Variants in ACVR2A observed in about 807,000 individuals in gnomAD.
ACVR2A encodes activin A receptor type 2A, also known as activin receptor type-2A.
Under a neutral mutation model 61.4 loss-of-function variants are expected in ACVR2A, and 7 were observed. That is an observed-to-expected ratio of 0.11 (90% CI 0.06 to 0.21). The LOEUF (loss-of-function observed/expected upper bound fraction) is 0.21, where lower values mean the gene tolerates loss of function less well. Ranked by LOEUF, ACVR2A falls within the 10% of genes least tolerant of loss-of-function variation. The pLI, the probability that ACVR2A is intolerant of heterozygous loss-of-function variation, is 1.00. For missense variants in ACVR2A, 322 were observed against 621.7 expected (o/e 0.52, Z 5.13); for synonymous variants, 193 against 208.3 (o/e 0.93, Z 0.63).
chr2:147,893,111 C>T (rs1385128327), intron 1 of ACVR2A, among the ~76,000 whole-genome samples: 1 of 152,128 alleles, frequency 6.6e-6, no homozygotes, highest in Non-Finnish European at 1.5e-5. Flanking sequence ...AATCTCTGAG[C>T]TGATTTCTGT....
chr2:147,920,749 CCATG>C (rs1385490890), intron 8 of ACVR2A, among the ~76,000 whole-genome samples: 1 of 152,090 alleles, frequency 6.6e-6, no homozygotes, highest in Non-Finnish European at 1.5e-5. Flanking sequence ...GTCCATTTTC[CCATG>C]CAATAATAGT....
At chr2:147,882,643 A>G (rs1420189180) in intron 1 of ACVR2A, among the ~76,000 whole-genome samples, 2 of 152,234 alleles carry the variant, frequency 1.3e-5, no homozygotes, top group African/African-American at 4.8e-5. Context: ...CACATGCCAC[A>G]TGCACATTGT....
chr2:147,907,732 A>C (rs1573698781), intron 4 of ACVR2A, among the ~76,000 whole-genome samples: 1 of 152,182 alleles, frequency 6.6e-6, no homozygotes, highest in South Asian at 2.1e-4. Context: ...TCCATAAAAA[A>C]ACCAAAGCAG....
intron 10 of ACVR2A, 137 bp downstream of exon 10, chr2:147,926,298 T>G: frequency 8.8e-7 from 1 of 1,140,932 alleles, no homozygotes; most frequent in Non-Finnish European, 1.2e-6. Flanking sequence ...TCTAGAGTTC[T>G]AGAGGCAGAA....
At chr2:147,921,258 C>A (rs955790270) in intron 8 of ACVR2A, among the ~76,000 whole-genome samples, 1 of 152,086 alleles carries the variant, frequency 6.6e-6, no homozygotes, top group African/African-American at 2.4e-5. Context: ...TTGTATCGAG[C>A]TCCTGACCTC....
chr2:147,870,637 G>T (rs530436239), intron 1 of ACVR2A, among the ~76,000 whole-genome samples: 1 of 152,092 alleles, frequency 6.6e-6, no homozygotes, highest in South Asian at 2.1e-4. Context: ...GATAATTGTC[G>T]TGAGTCTTTT....
chr2:147,930,371 TTAAAG>T lies in ACVR2A; in HGVS notation c.*3098_*3102del, dbSNP rs1321232521. ...GGTTTTTTTGTTTTTTTTTTTTTTT[TTAAAG>T]AAAGAAGCTTCATCACAGATACTTT... On this transcript the variant is annotated 3_prime_UTR_variant, in exon 11 of 11. Coordinates refer to ENST00000241416, the MANE Select transcript of ACVR2A (RefSeq NM_001616.5). 6.6e-6 allele frequency: 1 copy of T among 151,020 alleles called. No homozygotes were observed. Among genetic ancestry groups the T allele is most frequent in the African/African-American group, 2.4e-5 (1 of 40,924 alleles). 9.4% of individuals were successfully genotyped at this position (151,020 alleles called of 1,614,324 possible).
chr2:147,859,745 CTCTTGATT>C (rs540583043), intron 1 of ACVR2A, among the ~76,000 whole-genome samples: 393 of 152,138 alleles, frequency 2.6e-3, no homozygotes, highest in Admixed American at 7.2e-3. Context: ...TAAAGGCAGT[CTCTTGATT>C]TCTTGCTACA....
chr2:147,901,221 T>C (rs1337537597), intron 4 of ACVR2A, among the ~76,000 whole-genome samples: 1 of 152,010 alleles, frequency 6.6e-6, no homozygotes, highest in Non-Finnish European at 1.5e-5. Context: ...TTTAAAAAAT[T>C]TGTTTTAGTA....
At chr2:147,902,885 C>T (rs559298207) in intron 4 of ACVR2A, 1 of 152,086 alleles carries the variant, frequency 6.6e-6, no homozygotes, top group East Asian at 1.9e-4. Flanking sequence ...ATTTTTGGAA[C>T]ATTCTTCCTC....
chr2:147,903,176 A>G (rs966058195), intron 4 of ACVR2A, among the ~76,000 whole-genome samples: 9 of 151,786 alleles, frequency 5.9e-5, no homozygotes, highest in African/African-American at 2.2e-4. Context: ...TATGGTTCCT[A>G]GTAACCAATA....
chr2:147,845,359 C>T, intron 1 of ACVR2A, 152 bp downstream of exon 1: 1 of 527,946 alleles, frequency 1.9e-6, no homozygotes, highest in Non-Finnish European at 3.2e-6. Flanking sequence ...CCCCCCCCCC[C>T]CGCCCCCAGG....
At chr2:147,886,150 T>G (rs1399492542) in intron 1 of ACVR2A, among the ~76,000 whole-genome samples, 1 of 152,010 alleles carries the variant, frequency 6.6e-6, no homozygotes, top group African/African-American at 2.4e-5. Flanking sequence ...TCTTGATACT[T>G]AAAAAAAACT....
At chr2:147,878,237 T>G (rs978657453) in intron 1 of ACVR2A, among the ~76,000 whole-genome samples, 4 of 152,128 alleles carry the variant, frequency 2.6e-5, no homozygotes, top group Non-Finnish European at 5.9e-5. Flanking sequence ...TTTTTAATTG[T>G]AAACGTGAAA....
chr2:147,920,366 T>C (rs1687350205), intron 8 of ACVR2A, 22 bp downstream of exon 8: 1 of 1,546,428 alleles, frequency 6.5e-7, no homozygotes. Flanking sequence ...GATTATAAAA[T>C]GTAAGAAAAA....
chr2:147,890,049 A>G (rs1023152961), intron 1 of ACVR2A, among the ~76,000 whole-genome samples: 25 of 152,264 alleles, frequency 1.6e-4, no homozygotes, highest in Non-Finnish European at 2.8e-4. Flanking sequence ...GGGGTTTGGT[A>G]CCTTGTCCAA....
chr2:147,859,481 A>G (rs1448991788), intron 1 of ACVR2A, among the ~76,000 whole-genome samples: 1 of 150,704 alleles, frequency 6.6e-6, no homozygotes, highest in Non-Finnish European at 1.5e-5. Flanking sequence ...GTAGAGGGTC[A>G]CCACAGACAA....
At chr2:147,871,284 G>A (rs758019743) in intron 1 of ACVR2A, among the ~76,000 whole-genome samples, 1 of 151,926 alleles carries the variant, frequency 6.6e-6, no homozygotes, top group Non-Finnish European at 1.5e-5. Flanking sequence ...TCAATGTTGA[G>A]TAAATGCCAA....
At chr2:147,913,173 C>T (rs921692078) in intron 4 of ACVR2A, among the ~76,000 whole-genome samples, 6 of 151,552 alleles carry the variant, frequency 4.0e-5, no homozygotes, top group Non-Finnish European at 7.4e-5. Context: ...GAATTGCTGA[C>T]ATATTAATTG....
Sources: allele counts gnomAD v4.1 joint callset (sites outside exome capture counted in the v4.1 genomes callset), GRCh38; gene constraint gnomAD v4.1.1; transcripts MANE v1.5; gene names NCBI Gene and HGNC (gene_info 2026-07-23, HGNC 2026-07-21).